RUFY4: variants seen among roughly 807,000 people sequenced by gnomAD.
RUFY4 encodes the protein RUN and FYVE domain-containing protein 4.
Under a neutral mutation model 69.0 loss-of-function variants are expected in RUFY4, and 73 were observed. The ratio of observed to expected loss-of-function variants is 1.06; its 90% CI spans 0.88 to 1.29. The LOEUF (loss-of-function observed/expected upper bound fraction) is 1.29, where lower values mean the gene tolerates loss of function less well. Among genes scored for constraint, RUFY4 ranks in the 50% most tolerant of loss-of-function variants. RUFY4 has a pLI of 0.00. For synonymous variants in RUFY4, 287 were observed against 271.8 expected (o/e 1.06, Z -0.55); for missense variants, 770 against 705.6 (o/e 1.09, Z -1.03).
At chr2:218,088,427 C>A (rs1410099373) in intron 9 of RUFY4, among the ~76,000 whole-genome samples, 2 of 146,042 alleles carry the variant, frequency 1.4e-5, no homozygotes, top group Admixed American at 7.0e-5. Flanking sequence ...TACTGCACTA[C>A]AGCCTGGGCA....
rs146112178 is a variant in RUFY4, at chr2:218,078,412, G to T, written c.1355+1879G>T. Among the ~76,000 whole-genome samples, 132 of 152,234 alleles carry T rather than the reference G, an allele frequency of 8.7e-4. 2 individuals are homozygous for T. In the East Asian group the frequency reaches 0.017, roughly 20 times the overall value. On this transcript the variant is annotated intron_variant, in intron 8 of 10. Transcript: ENST00000344321. ...AAAAACAAAGGCCCTGATGGAGGAC[G>T]GGCAGGGCAGGTTCTAGGAACATCC...
chr2:218,089,668 C>T, intron 10 of RUFY4: 1 of 703,084 alleles, frequency 1.4e-6, no homozygotes, highest in East Asian at 2.7e-5. Flanking sequence ...TGCTCCCCCT[C>T]CTTCCTCTGT....
intron 2 of RUFY4, among the ~76,000 whole-genome samples, chr2:218,054,986 T>A (rs1689028984): frequency 6.6e-6 from 1 of 152,254 alleles, no homozygotes; most frequent in South Asian, 2.1e-4. Context: ...ATGTTAATTA[T>A]ATTATCAGGG....
At chr2:218,053,963 T>C (rs760343804) in intron 2 of RUFY4, among the ~76,000 whole-genome samples, 3 of 152,242 alleles carry the variant, frequency 2.0e-5, no homozygotes, top group Admixed American at 2.0e-4. Context: ...TTTTAAGTTA[T>C]ATTCATGTGG....
intron 2 of RUFY4, among the ~76,000 whole-genome samples, chr2:218,050,526 T>G (rs1415478500): frequency 6.6e-6 from 1 of 152,198 alleles, no homozygotes; most frequent in Admixed American, 6.5e-5. Context: ...TCCCTCCAGC[T>G]CACAGAACTG....
chr2:218,040,555 C>T (rs982231474), intron 2 of RUFY4, among the ~76,000 whole-genome samples: 2 of 152,146 alleles, frequency 1.3e-5, no homozygotes, highest in Non-Finnish European at 2.9e-5. Context: ...TTGCCCTCCT[C>T]CTGCCTTATG....
At chr2:218,046,070 G>T (rs1205137228) in intron 2 of RUFY4, among the ~76,000 whole-genome samples, 1 of 152,060 alleles carries the variant, frequency 6.6e-6, no homozygotes, top group East Asian at 1.9e-4. Flanking sequence ...CTCCCAAAGT[G>T]CTGGGATTAC....
chr2:218,038,522 A>C (rs1959013069), intron 2 of RUFY4, among the ~76,000 whole-genome samples: 1 of 152,226 alleles, frequency 6.6e-6, no homozygotes. Flanking sequence ...TTTAAAGAAT[A>C]TTACACTTCA....
chr2:218,040,935 C>T (rs1048441404), intron 2 of RUFY4, among the ~76,000 whole-genome samples: 5 of 151,912 alleles, frequency 3.3e-5, no homozygotes, highest in Non-Finnish European at 5.9e-5. Context: ...GAACTAGATG[C>T]TGGATGTCCT....
rs145178342 is a variant in RUFY4, at chr2:218,077,368, TTC to T, written c.1355+853_1355+854del. 3.3e-4 allele frequency among the ~76,000 whole-genome samples: 50 copies of T among 150,440 alleles called. No individual in the cohort carries two copies. The South Asian group carries it at 4.4e-3, about 13-fold the overall frequency. ...AGTCCTCAGTCTCTCAGGTCTCAGTTTCTCTCTCTCTCTCTCTCTTTCTTTTT... is the reference window on the plus strand; with the variant it reads ...AGTCCTCAGTCTCTCAGGTCTCAGTTTCTCTCTCTCTCTCTCTTTCTTTTT... On this transcript the variant is annotated intron_variant, in intron 8 of 10. Coordinates refer to ENST00000344321, the Ensembl canonical transcript of RUFY4.
intron 3 of RUFY4, chr2:218,060,340 TAGAG>T (rs1163942698): frequency 6.5e-7 from 1 of 1,531,754 alleles, no homozygotes; most frequent in African/African-American, 1.4e-5. Flanking sequence ...CAAGAGGTCT[TAGAG>T]AGTAGTGGAA....
chr2:218,037,601 A>AT (rs1160597854), intron 2 of RUFY4, among the ~76,000 whole-genome samples: 2 of 152,192 alleles, frequency 1.3e-5, no homozygotes, highest in Non-Finnish European at 2.9e-5. Context: ...CTCAAATTGG[A>AT]TTTTTTAAAA....
chr2:218,072,764 C>A lies in RUFY4; in HGVS notation c.280-15C>A. 6.6e-7 allele frequency: 1 copy of A among 1,506,870 alleles called. No individual in the cohort carries two copies. The highest frequency in any genetic ancestry group is 8.8e-7 in the Non-Finnish European group (1 of 1,130,912). 93.3% of individuals were successfully genotyped at this position (1,506,870 alleles called of 1,614,324 possible). A position where few individuals can be genotyped will look rare whatever the true frequency, so the allele number is the denominator to read the frequency against. On this transcript the variant is annotated splice_polypyrimidine_tract_variant and intron_variant, in intron 3 of 10. Coordinates refer to ENST00000344321, the Ensembl canonical transcript of RUFY4. ...CCTAATACTGCTCCCCATTCTGCCC[C>A]TGTGCACTCTGCAGTTGAAGACCCC...
rs572669265 is a variant in RUFY4, at chr2:218,075,455, G to C, written c.963G>C (p.Leu321=). 4 of 1,609,020 alleles carry C rather than the reference G, an allele frequency of 2.5e-6. No individual in the cohort carries two copies. In the East Asian group the frequency reaches 8.9e-5, roughly 36 times the overall value. The change falls in exon 7 of 11, where the codon CTG becomes CTC. Residue 321 remains leucine, a synonymous_variant. Transcript: ENST00000344321. ...AGGCTGAGGTCACAGGGGTTCTGCTGGTTGCAGAGGGTCAGAGAACAACAG... is the reference window on the plus strand; with the variant it reads ...AGGCTGAGGTCACAGGGGTTCTGCTCGTTGCAGAGGGTCAGAGAACAACAG...
intron 2 of RUFY4, among the ~76,000 whole-genome samples, chr2:218,051,850 A>G (rs1688950814): frequency 6.6e-6 from 1 of 152,248 alleles, no homozygotes; most frequent in Admixed American, 6.5e-5. Flanking sequence ...GTAAACAACA[A>G]CAACAACAAA....
chr2:218,081,982 G>A (rs543000081), intron 8 of RUFY4, among the ~76,000 whole-genome samples: 16 of 152,334 alleles, frequency 1.1e-4, no homozygotes, highest in East Asian at 3.9e-4. Context: ...GCACAGACAC[G>A]TACATGCATC....
chr2:218,070,279 T>C (rs116586393), upstream of RUFY4: 1,717 of 371,376 alleles, frequency 4.6e-3, 37 homozygotes, highest in African/African-American at 0.033. Flanking sequence ...CAATCCCCTG[T>C]TTCTCCTGGT....
At chr2:218,046,570 C>A (rs529000882) in intron 2 of RUFY4, among the ~76,000 whole-genome samples, 1 of 152,152 alleles carries the variant, frequency 6.6e-6, no homozygotes, top group Non-Finnish European at 1.5e-5. Context: ...TAGCTGCTTT[C>A]AAAATCTTTC....
upstream of RUFY4, chr2:218,070,164 T>G: frequency 4.6e-6 from 1 of 219,616 alleles, no homozygotes; most frequent in Non-Finnish European, 9.3e-6. Flanking sequence ...CCTCACGGGG[T>G]CACTCACACC....
Sources: gnomAD v4.1 joint callset for allele counts (sites outside exome capture counted in the v4.1 genomes callset) on GRCh38, gnomAD v4.1.1 for gene constraint, MANE v1.5 for transcripts, NCBI Gene and HGNC (gene_info 2026-07-23, HGNC 2026-07-21) for gene names.